Variants in TMPRSS7 observed in about 807,000 individuals in gnomAD.
TMPRSS7 encodes the protein transmembrane serine protease 7.
In TMPRSS7, 81 loss-of-function variants were observed where a neutral mutation model predicts 95.6. The ratio of observed to expected loss-of-function variants is 0.85; its 90% confidence interval spans 0.71 to 1.02. TMPRSS7 has a LOEUF of 1.02. Ranked by LOEUF, TMPRSS7 falls within the 50% of genes least tolerant of loss-of-function variation. The pLI, the probability that TMPRSS7 is intolerant of heterozygous loss-of-function variation, is 0.00. For synonymous variants in TMPRSS7, 364 were observed against 337.8 expected (o/e 1.08, Z -0.85); for missense variants, 945 against 955.2 (o/e 0.99, Z 0.14).
At chr3:112,080,833 A>G in intron 17 of TMPRSS7, 81 bp from the exon 18 acceptor site, 1 of 1,406,938 alleles carries the variant, frequency 7.1e-7, no homozygotes, top group South Asian at 1.6e-5. Flanking sequence ...ACTCTTGAAC[A>G]CAATTCATTA....
chr3:112,068,805 AC>A (rs975685077), intron 13 of TMPRSS7, among the ~76,000 whole-genome samples: 36 of 152,066 alleles, frequency 2.4e-4, no homozygotes, highest in Middle Eastern at 3.2e-3. Flanking sequence ...CTAATCGAAT[AC>A]CCTTTACTTC....
chr3:112,047,928 A>G (rs1290405569), exon 7 of TMPRSS7: 1 of 1,614,006 alleles, frequency 6.2e-7, no homozygotes, highest in Non-Finnish European at 8.5e-7. Flanking sequence ...CTGACCATTT[A>G]CGACTCCCTT....
chr3:112,046,605 A>G (rs1264612096), intron 5 of TMPRSS7, among the ~76,000 whole-genome samples: 1 of 152,212 alleles, frequency 6.6e-6, no homozygotes, highest in African/African-American at 2.4e-5. Context: ...AATCTCATAG[A>G]AAATTCTGTA....
rs1473461283 is a variant in TMPRSS7 at position 112,064,304 on chromosome 3, A to G, written c.1555+672A>G. On this transcript the variant is annotated intron_variant, in intron 12 of 17. Transcript: ENST00000452346. ...TGCTCCTTTATGAAGCCCAGATCCC[A>G]TATGTTGTTTGTAAATAAAAGAGAA... Among the ~76,000 whole-genome samples the G allele has an allele frequency of 2.8e-4, 42 of 152,088 alleles. 1 individual carries two copies. The highest frequency in any genetic ancestry group is 2.8e-3 in the Admixed American group (42 of 15,272).
At chr3:112,061,331 G>A (rs2073502404) in intron 10 of TMPRSS7, among the ~76,000 whole-genome samples, 2 of 152,312 alleles carry the variant, frequency 1.3e-5, no homozygotes, top group South Asian at 2.1e-4. Flanking sequence ...GTGCACGTCA[G>A]ATTTCAATTT....
chr3:112,079,952 G>T (rs569815861), intron 17 of TMPRSS7, among the ~76,000 whole-genome samples: 1 of 152,056 alleles, frequency 6.6e-6, no homozygotes, highest in Non-Finnish European at 1.5e-5. Context: ...TCTATTTTGG[G>T]TGCTTCCCAT....
chr3:112,051,668 C>CTATCTATCATCT (rs61097993), intron 9 of TMPRSS7, among the ~76,000 whole-genome samples: 4 of 128,076 alleles, frequency 3.1e-5, no homozygotes, highest in South Asian at 2.8e-4. Context: ...ATCTATCTAT[C>CTATCTATCATCT]ATCTATCTAT....
chr3:112,046,003 T>C (rs1422372619), intron 5 of TMPRSS7, 60 bp downstream of exon 5: 4 of 1,367,800 alleles, frequency 2.9e-6, no homozygotes, highest in Non-Finnish European at 4.0e-6. Flanking sequence ...ATACTTGCCA[T>C]GATTATAGTC....
In TMPRSS7 at chr3:112,078,662, G is replaced by T. The variant is rs186642193; in HGVS notation, c.2225-80G>T. 1,113 of 1,564,224 alleles carry T rather than the reference G, an allele frequency of 7.1e-4. 1 individual carries two copies. Among genetic ancestry groups the T allele is most frequent in the Non-Finnish European group, 8.0e-4 (911 of 1,142,432 alleles). On this transcript the variant is annotated intron_variant, in intron 16 of 17. Coordinates refer to ENST00000452346, the Ensembl canonical transcript of TMPRSS7. ...CTATGAGGGTAAAAGGAGATAATGT[G>T]TGTTAACTTTTCAAATGAAGTCCTG...
At chr3:112,074,200 C>T (rs560843163) in intron 13 of TMPRSS7, 96 bp from the exon 14 acceptor site, 2 of 854,910 alleles carry the variant, frequency 2.3e-6, no homozygotes, top group Middle Eastern at 2.8e-4. Context: ...GTGATTAAAC[C>T]ATTTTTTATG....
chr3:112,061,808 T>C (rs1290429059), exon 11 of TMPRSS7: 1 of 1,609,422 alleles, frequency 6.2e-7, no homozygotes, highest in South Asian at 1.1e-5. Context: ...CCTACATGGA[T>C]CATCAGACAA....
chr3:112,042,146 G>A, intron 3 of TMPRSS7, 96 bp downstream of exon 3: 5 of 1,038,932 alleles, frequency 4.8e-6, no homozygotes, highest in Non-Finnish European at 5.8e-6. Flanking sequence ...CAGGTGAGCA[G>A]GGTTTAGGGA....
intron 14 of TMPRSS7, among the ~76,000 whole-genome samples, chr3:112,074,814 C>A (rs2073692488): frequency 6.6e-6 from 1 of 152,192 alleles, no homozygotes; most frequent in Non-Finnish European, 1.5e-5. Flanking sequence ...CCCACATGCT[C>A]CTATTAGTCA....
intron 2 of TMPRSS7, among the ~76,000 whole-genome samples, chr3:112,041,126 A>G (rs557615063): frequency 2.6e-5 from 4 of 152,178 alleles, no homozygotes; most frequent in Non-Finnish European, 5.9e-5. Context: ...AAAATAAAAA[A>G]ACCAAAAACC....
At chr3:112,048,893 A>G (rs1404170268) in intron 7 of TMPRSS7, among the ~76,000 whole-genome samples, 1 of 152,170 alleles carries the variant, frequency 6.6e-6, no homozygotes, top group African/African-American at 2.4e-5. Flanking sequence ...GAGGCAGGAG[A>G]ATAGGATCTG....
At chr3:112,077,058 A>T (rs1409776217) in exon 16 of TMPRSS7, 5 of 1,614,112 alleles carry the variant, frequency 3.1e-6, no homozygotes, top group Non-Finnish European at 3.4e-6. Context: ...CAGCTCATTC[A>T]GCCAATATGC....
chr3:112,079,019 C>G, intron 17 of TMPRSS7, 141 bp downstream of exon 17: 1 of 964,866 alleles, frequency 1.0e-6, no homozygotes, highest in Non-Finnish European at 1.5e-6. Context: ...TATTTATCAT[C>G]CAATTGCCTA....
intron 12 of TMPRSS7, among the ~76,000 whole-genome samples, chr3:112,066,002 C>T (rs902441112): frequency 2.0e-5 from 3 of 152,088 alleles, no homozygotes; most frequent in South Asian, 2.1e-4. Context: ...GCTTGAGGTA[C>T]GGAGATGAAG....
chr3:112,061,667 A>G (rs2073507009), intron 10 of TMPRSS7, 120 bp from the exon 11 acceptor site: 1 of 1,085,100 alleles, frequency 9.2e-7, no homozygotes, highest in Non-Finnish European at 1.3e-6. Context: ...CATTAGCTCT[A>G]CCATACGCAT....
Sources: allele counts gnomAD v4.1 joint callset (sites outside exome capture counted in the v4.1 genomes callset), GRCh38; gene constraint gnomAD v4.1.1; transcripts MANE v1.5; gene names NCBI Gene and HGNC (gene_info 2026-07-23, HGNC 2026-07-21).